The following ZNF385D variants were observed in gnomAD, a reference collection of about 807,000 sequenced individuals.
ZNF385D encodes zinc finger protein 659.
A neutral mutation model predicts 35.8 loss-of-function variants in ZNF385D; 15 were observed. The observed-to-expected ratio is 0.42, with a 90% CI of 0.28 to 0.64. The LOEUF (loss-of-function observed/expected upper bound fraction) is 0.64, where lower values mean the gene tolerates loss of function less well. Among genes scored for constraint, ZNF385D ranks in the 30% least tolerant of loss-of-function variants. The pLI, the probability that ZNF385D is intolerant of heterozygous loss-of-function variation, is 0.23. For synonymous variants in ZNF385D, 212 were observed against 186.8 expected, an observed-to-expected ratio of 1.13 and a Z score of -1.10; for missense variants, 474 against 494.6, an observed-to-expected ratio of 0.96 and a Z score of 0.39.
upstream of ZNF385D, among the ~76,000 whole-genome samples, chr3:21,755,537 G>C (rs755199068): frequency 6.6e-6 from 1 of 152,152 alleles, no homozygotes; most frequent in Non-Finnish European, 1.5e-5. Context: ...TTGGGTGTCT[G>C]TTTAAATATT....
chr3:21,901,600 G>T (rs895414184), intron 3 of ZNF385D, among the ~76,000 whole-genome samples: 1 of 152,112 alleles, frequency 6.6e-6, no homozygotes, highest in South Asian at 2.1e-4. Context: ...GCAATCTAAG[G>T]TACATCATTA....
At chr3:22,315,746 A>T (rs1224238938) in intron 2 of ZNF385D, among the ~76,000 whole-genome samples, 1 of 152,136 alleles carries the variant, frequency 6.6e-6, no homozygotes, top group Non-Finnish European at 1.5e-5. Flanking sequence ...TCCCAGGAAA[A>T]AGCCAAGCTC....
intron 3 of ZNF385D, among the ~76,000 whole-genome samples, chr3:21,890,420 A>C (rs964093909): frequency 2.6e-5 from 4 of 152,084 alleles, no homozygotes; most frequent in African/African-American, 7.2e-5. Context: ...GGAGTTTGAG[A>C]CCAGCCTGGC....
At chr3:22,357,027 T>C (rs1696183701) in intron 2 of ZNF385D, among the ~76,000 whole-genome samples, 1 of 151,848 alleles carries the variant, frequency 6.6e-6, no homozygotes, top group African/African-American at 2.4e-5. Flanking sequence ...GCATATTAAT[T>C]ATATGAAAAA....
intron 3 of ZNF385D, among the ~76,000 whole-genome samples, chr3:21,915,568 T>C (rs1700156396): frequency 6.6e-6 from 1 of 152,098 alleles, no homozygotes; most frequent in Non-Finnish European, 1.5e-5. Context: ...TTTGTATTAG[T>C]GTTTACGGTA....
intron 3 of ZNF385D, among the ~76,000 whole-genome samples, chr3:22,009,604 C>G (rs1220559797): frequency 7.3e-6 from 1 of 137,464 alleles, no homozygotes; most frequent in Non-Finnish European, 1.5e-5. Context: ...GCCTGGGCAA[C>G]AGAGTGAGAC....
intron 3 of ZNF385D, among the ~76,000 whole-genome samples, chr3:21,536,048 T>C (rs1409943990): frequency 6.6e-6 from 1 of 152,052 alleles, no homozygotes; most frequent in Admixed American, 6.6e-5. Flanking sequence ...CCCTATATTT[T>C]ACAAGGTTAG....
At position 22,089,700 on chromosome 3, in the gene ZNF385D, A is replaced by G. The variant is rs777458350; in HGVS notation, c.325+79117T>C. Among the ~76,000 whole-genome samples, 55 of 152,302 alleles carry G rather than the reference A, an allele frequency of 3.6e-4. 1 individual carries two copies. The highest frequency in any genetic ancestry group is 1.5e-3 in the South Asian group (7 of 4,826). On this transcript the variant is annotated intron_variant, in intron 3 of 5. Transcript: ENST00000494108. ...TCCAGTTCATGATTTTTCCTTGAAC[A>G]TTATTCTTTGAGCATGCTATCTCAG...
chr3:22,060,570 T>C (rs779164), intron 3 of ZNF385D, among the ~76,000 whole-genome samples: 98,495 of 152,020 alleles, frequency 0.65, 32,387 homozygotes, highest in African/African-American at 0.76. Flanking sequence ...GCACTAAATG[T>C]TCTGGGAAAT....
Position 21,424,076 on chromosome 3 carries a change from A to G in ZNF385D, c.853-12T>C, listed in dbSNP as rs761439185. On this transcript the variant is annotated splice_polypyrimidine_tract_variant and intron_variant, in intron 6 of 7. Transcript: ENST00000281523. ...CTACTGCTAATGTGCTATTAAAAGT[A>G]ATTTAAAATGACAGCTTTAAAAAAA... is the stretch of plus-strand genomic sequence containing the variant. 1 of 1,547,780 alleles carries G rather than the reference A, an allele frequency of 6.5e-7. No individual in the cohort carries two copies. Among genetic ancestry groups the G allele is most frequent in the Non-Finnish European group, 8.7e-7 (1 of 1,154,728 alleles).
In ZNF385D at chr3:21,898,872, G is replaced by A. The variant is rs144054325; in HGVS notation, c.326-233844C>T. 4.2e-3 allele frequency among the ~76,000 whole-genome samples: 632 copies of A among 152,066 alleles called. 3 individuals are homozygous for A. The highest frequency in any genetic ancestry group is 0.012 in the African/African-American group (479 of 41,508). ...AAATAAAGGAGACATTTTTCCCTACGCATCTCCAGTTTTACTGGACAGGAA... is the reference window on the plus strand; with the variant it reads ...AAATAAAGGAGACATTTTTCCCTACACATCTCCAGTTTTACTGGACAGGAA... On this transcript the variant is annotated intron_variant, in intron 3 of 5. Coordinates refer to the ZNF385D transcript ENST00000494108.
chr3:21,685,063 G>A (rs1379446779), intron 1 of ZNF385D, among the ~76,000 whole-genome samples: 5 of 152,108 alleles, frequency 3.3e-5, no homozygotes, highest in East Asian at 3.9e-4. Flanking sequence ...TTTCTAACTT[G>A]TATGTGATAA....
intron 2 of ZNF385D, among the ~76,000 whole-genome samples, chr3:22,206,734 A>G (rs1479780894): frequency 6.6e-6 from 1 of 151,930 alleles, no homozygotes; most frequent in African/African-American, 2.4e-5. Flanking sequence ...ACAAATGATA[A>G]TAAGAACACA....
chr3:21,794,914 CAATT>C (rs1483384223), intron 3 of ZNF385D, among the ~76,000 whole-genome samples: 1 of 152,058 alleles, frequency 6.6e-6, no homozygotes, highest in Non-Finnish European at 1.5e-5. Context: ...GCTATTATGA[CAATT>C]AAGTAAAATA....
chr3:22,220,419 A>G (rs949938890), intron 2 of ZNF385D, among the ~76,000 whole-genome samples: 1 of 145,864 alleles, frequency 6.9e-6, no homozygotes, highest in Non-Finnish European at 1.5e-5. Context: ...AGAACTCCAT[A>G]GCAACAATTA....
At chr3:21,989,510 C>T (rs979853352) in intron 3 of ZNF385D, among the ~76,000 whole-genome samples, 1 of 152,070 alleles carries the variant, frequency 6.6e-6, no homozygotes, top group Non-Finnish European at 1.5e-5. Context: ...AATTATCATT[C>T]TCTCAAAAGG....
In ZNF385D at chr3:21,889,989, A is replaced by T. The variant is rs143634510; in HGVS notation, c.326-224961T>A. Among the ~76,000 whole-genome samples, 166 of 152,220 alleles carry T rather than the reference A, an allele frequency of 1.1e-3. 4 individuals are homozygous for T. The highest frequency in any genetic ancestry group is 9.5e-3 in the Admixed American group (145 of 15,284). ...TGTGTGTGAATTTTCCCCTTTTTAT[A>T]AAGACACTAGTCATATTAGATGAGC... On this transcript the variant is annotated intron_variant, in intron 3 of 5. Coordinates refer to the ZNF385D transcript ENST00000494108.
intron 3 of ZNF385D, among the ~76,000 whole-genome samples, chr3:21,556,541 GATA>G (rs1397139179): frequency 2.5e-5 from 2 of 78,960 alleles, no homozygotes; most frequent in African/African-American, 8.2e-5. Context: ...GTAGATGTGT[GATA>G]TTATTTCTGA....
intron 3 of ZNF385D, among the ~76,000 whole-genome samples, chr3:21,928,947 G>A (rs1002680325): frequency 2.0e-5 from 3 of 152,124 alleles, no homozygotes; most frequent in Non-Finnish European, 4.4e-5. Context: ...AGGAAACAGA[G>A]AAGGTGAGAA....
Sources: gnomAD v4.1 joint callset for allele counts (sites outside exome capture counted in the v4.1 genomes callset) on GRCh38, gnomAD v4.1.1 for gene constraint, MANE v1.5 for transcripts, NCBI Gene and HGNC (gene_info 2026-07-23, HGNC 2026-07-21) for gene names.